Variants in MGAT5 observed in about 807,000 individuals in gnomAD.
The protein encoded by MGAT5 is alpha-1,6-mannosylglycoprotein 6-beta-N-acetylglucosaminyltransferase A.
In MGAT5, 30 loss-of-function variants were observed where a neutral mutation model predicts 94.3. The observed-to-expected ratio is 0.32, with a 90% CI of 0.24 to 0.43. The LOEUF (loss-of-function observed/expected upper bound fraction) is 0.43, where lower values mean the gene tolerates loss of function less well. MGAT5 is among the 20% of genes least tolerant of loss of function. The pLI, the probability that MGAT5 is intolerant of heterozygous loss-of-function variation, is 1.00. For synonymous variants in MGAT5, 310 were observed against 322.9 expected (o/e 0.96, Z 0.43); for missense variants, 691 against 905.5 (o/e 0.76, Z 3.04).
chr2:134,332,383 A>T (rs1268364948), intron 4 of MGAT5, among the ~76,000 whole-genome samples: 1 of 150,628 alleles, frequency 6.6e-6, no homozygotes. Context: ...CTGGCTAGCC[A>T]TATGTAGAAA....
chr2:134,149,598 ACT>A (rs1687081961), intron 1 of MGAT5, among the ~76,000 whole-genome samples: 1 of 151,942 alleles, frequency 6.6e-6, no homozygotes, highest in African/African-American at 2.4e-5. Flanking sequence ...AGGTTAATAA[ACT>A]CTTGGAAATG....
upstream of MGAT5, among the ~76,000 whole-genome samples, chr2:134,253,893 G>A (rs995577233): frequency 6.6e-6 from 1 of 152,138 alleles, no homozygotes; most frequent in African/African-American, 2.4e-5. Flanking sequence ...TAAGTTACAG[G>A]CACACAAAAG....
chr2:134,361,359 G>A (rs1680088909), intron 9 of MGAT5, among the ~76,000 whole-genome samples: 1 of 152,218 alleles, frequency 6.6e-6, no homozygotes, highest in Non-Finnish European at 1.5e-5. Flanking sequence ...CCACACATGG[G>A]CTCTGCAGGC....
chr2:134,270,364 T>C (rs1558747922), intron 1 of MGAT5, 22 bp from the exon 2 acceptor site: 5 of 1,609,746 alleles, frequency 3.1e-6, no homozygotes, highest in Non-Finnish European at 2.5e-6. Context: ...AATTTTAAAA[T>C]TGTCTGCACT....
At chr2:134,410,455 A>C (rs1472249409) in intron 11 of MGAT5, among the ~76,000 whole-genome samples, 1 of 152,242 alleles carries the variant, frequency 6.6e-6, no homozygotes, top group African/African-American at 2.4e-5. Context: ...ACTCATTGCC[A>C]GGAAATTATG....
chr2:134,304,748 G>A (rs1686228836), intron 2 of MGAT5, among the ~76,000 whole-genome samples: 1 of 152,180 alleles, frequency 6.6e-6, no homozygotes, highest in African/African-American at 2.4e-5. Flanking sequence ...AAGATAGCCT[G>A]ATTTTTTGTT....
intron 10 of MGAT5, among the ~76,000 whole-genome samples, chr2:134,399,591 CAG>C (rs1682920257): frequency 6.6e-6 from 1 of 152,210 alleles, no homozygotes; most frequent in Non-Finnish European, 1.5e-5. Flanking sequence ...CTTTGGGCGA[CAG>C]AGGTGGTTGC....
chr2:134,120,998 C>G (rs1685551931), intron 1 of MGAT5, among the ~76,000 whole-genome samples: 1 of 151,988 alleles, frequency 6.6e-6, no homozygotes, highest in East Asian at 2.0e-4. Context: ...CGCACACACT[C>G]CCCGAGAGCA....
chr2:134,143,949 G>A (rs1686785795), intron 1 of MGAT5, among the ~76,000 whole-genome samples: 1 of 152,136 alleles, frequency 6.6e-6, no homozygotes, highest in African/African-American at 2.4e-5. Context: ...AACAAGTTCA[G>A]GGAGGTGAGG....
In MGAT5 at chr2:134,453,642, AG is replaced by A. The variant is rs1020500475; in HGVS notation, c.*4798del. ...GGCTGGGGTGGCCCCTCCTGTCCTC[AG>A]GGATCAGACTCCCAGACTGGTTAGT... On this transcript the variant is annotated 3_prime_UTR_variant, in exon 16 of 16. Coordinates refer to ENST00000281923, the MANE Select transcript of MGAT5 (RefSeq NM_002410.5). 2 of 152,122 alleles carry A rather than the reference AG, an allele frequency of 1.3e-5. No individual in the cohort carries two copies. The highest frequency in any genetic ancestry group is 4.8e-5 in the African/African-American group (2 of 41,416). The allele number at this position is 152,122 out of a possible 1,614,324, so 9.4% of individuals were successfully genotyped here. A position where few individuals can be genotyped will look rare whatever the true frequency, so the allele number is the denominator to read the frequency against.
intron 14 of MGAT5, among the ~76,000 whole-genome samples, chr2:134,432,197 G>C (rs1028090831): frequency 1.3e-5 from 2 of 152,150 alleles, no homozygotes; most frequent in Non-Finnish European, 2.9e-5. Flanking sequence ...GGCAATTTCA[G>C]ATTGATTTAT....
chr2:134,384,941 A>G (rs1681877187), intron 10 of MGAT5, among the ~76,000 whole-genome samples: 1 of 152,214 alleles, frequency 6.6e-6, no homozygotes, highest in East Asian at 1.9e-4. Context: ...GTTTAGAGAA[A>G]GAAGGGTAAG....
At chr2:134,420,045 G>T (rs1156483102) in intron 12 of MGAT5, among the ~76,000 whole-genome samples, 1 of 152,124 alleles carries the variant, frequency 6.6e-6, no homozygotes, top group East Asian at 1.9e-4. Context: ...TTTACATTGG[G>T]CCTTTGTCTT....
rs1052165516 is a variant in MGAT5, at chr2:134,129,422, G to A, written c.-143+9131G>A. ...GCCATCTCCCTGTAAGGCAACATAA[G>A]CACAGGTTCCGGGGATTAGTATATG... On this transcript the variant is annotated intron_variant, in intron 1 of 16. Transcript: ENST00000409645. 2.0e-5 allele frequency among the ~76,000 whole-genome samples: 3 copies of A among 152,210 alleles called. No homozygotes were observed. In the East Asian group the frequency reaches 5.8e-4, roughly 29 times the overall value.
intron 1 of MGAT5, among the ~76,000 whole-genome samples, chr2:134,171,848 C>T (rs1688225172): frequency 6.6e-6 from 1 of 152,118 alleles, no homozygotes; most frequent in African/African-American, 2.4e-5. Flanking sequence ...GGGGTATTTG[C>T]TCTTGTCGGG....
intron 1 of MGAT5, among the ~76,000 whole-genome samples, chr2:134,269,672 T>C (rs1006487101): frequency 2.6e-5 from 4 of 152,182 alleles, no homozygotes; most frequent in African/African-American, 7.2e-5. Flanking sequence ...CAGAGGGAAG[T>C]GCAGTACTCT....
intron 1 of MGAT5, among the ~76,000 whole-genome samples, chr2:134,198,753 A>G (rs570372977): frequency 6.6e-6 from 1 of 152,298 alleles, no homozygotes; most frequent in African/African-American, 2.4e-5. Context: ...AGGTCTGATC[A>G]TGGGCCCACT....
chr2:134,281,805 T>C (rs1350620520), intron 2 of MGAT5, among the ~76,000 whole-genome samples: 1 of 152,226 alleles, frequency 6.6e-6, no homozygotes, highest in Non-Finnish European at 1.5e-5. Context: ...TAATAGAACC[T>C]TCTCGATAAT....
chr2:134,318,527 TCA>T (rs1687134969), intron 3 of MGAT5, 121 bp from the exon 4 acceptor site: 2 of 712,204 alleles, frequency 2.8e-6, no homozygotes, highest in Admixed American at 2.2e-5. Context: ...ACCCTGTCAC[TCA>T]GTTCTTTAGG....
Sources: allele counts gnomAD v4.1 joint callset (sites outside exome capture counted in the v4.1 genomes callset), GRCh38; gene constraint gnomAD v4.1.1; transcripts MANE v1.5; gene names NCBI Gene and HGNC (gene_info 2026-07-23, HGNC 2026-07-21).